The following ATXN8OS variants were observed in gnomAD, a reference collection of about 807,000 sequenced individuals.
ATXN8OS encodes ATXN8 opposite strand lncRNA.
At chr13:70,118,287 C>T (rs1338489170) in intron 2 of ATXN8OS, among the ~76,000 whole-genome samples, 1 of 152,028 alleles carries the variant, frequency 6.6e-6, no homozygotes, top group African/African-American at 2.4e-5. Flanking sequence ...AATGACATTT[C>T]ACTAAGTAAA....
chr13:70,138,718 T>C (rs1888653859), intron 3 of ATXN8OS, among the ~76,000 whole-genome samples: 1 of 152,150 alleles, frequency 6.6e-6, no homozygotes, highest in Non-Finnish European at 1.5e-5. Flanking sequence ...TACCAATCTA[T>C]ACTTTCTATA....
At chr13:70,150,472 G>C (rs1418692939) in intron 4 of ATXN8OS, among the ~76,000 whole-genome samples, 1 of 152,068 alleles carries the variant, frequency 6.6e-6, no homozygotes, top group Non-Finnish European at 1.5e-5. Context: ...TGTTAGACCA[G>C]AAAGAGATTA....
intron 3 of ATXN8OS, among the ~76,000 whole-genome samples, chr13:70,143,911 G>A (rs1191334693): frequency 6.6e-6 from 1 of 151,990 alleles, no homozygotes; most frequent in Non-Finnish European, 1.5e-5. Flanking sequence ...ATATTGAGAA[G>A]ATTAAAATAA....
chr13:70,109,605 A>C (rs1200822155), intron 1 of ATXN8OS, among the ~76,000 whole-genome samples: 2 of 152,202 alleles, frequency 1.3e-5, no homozygotes, highest in African/African-American at 2.4e-5. Flanking sequence ...AAATCACTAT[A>C]GTGCTTTTAA....
At chr13:70,117,722 AAT>A (rs1361785405) in intron 2 of ATXN8OS, among the ~76,000 whole-genome samples, 2 of 152,066 alleles carry the variant, frequency 1.3e-5, no homozygotes, top group Non-Finnish European at 2.9e-5. Flanking sequence ...TTATCTGCAA[AAT>A]AGAAGTTAAC....
chr13:70,169,369 T>C (rs1372508173), intron 4 of ATXN8OS, among the ~76,000 whole-genome samples: 1 of 152,084 alleles, frequency 6.6e-6, no homozygotes, highest in East Asian at 1.9e-4. Flanking sequence ...CGATCTTGGC[T>C]CACTGCAACC....
At chr13:70,143,475 G>A (rs1490698643) in intron 3 of ATXN8OS, among the ~76,000 whole-genome samples, 1 of 152,020 alleles carries the variant, frequency 6.6e-6, no homozygotes, top group Non-Finnish European at 1.5e-5. Context: ...CTGTGCTCAC[G>A]TCAAATGAAA....
intron 4 of ATXN8OS, among the ~76,000 whole-genome samples, chr13:70,159,043 C>A (rs1326121273): frequency 6.6e-6 from 1 of 151,746 alleles, no homozygotes; most frequent in African/African-American, 2.4e-5. Context: ...TATGCTTTAT[C>A]CTGGATAATG....
intron 3 of ATXN8OS, among the ~76,000 whole-genome samples, chr13:70,140,948 A>G (rs1888706033): frequency 6.6e-6 from 1 of 152,148 alleles, no homozygotes; most frequent in Non-Finnish European, 1.5e-5. Context: ...CCACTCCTGT[A>G]TGTGTTGGGA....
At chr13:70,137,921 C>A (rs1015483343) in intron 3 of ATXN8OS, among the ~76,000 whole-genome samples, 4 of 152,126 alleles carry the variant, frequency 2.6e-5, no homozygotes, top group African/African-American at 9.7e-5. Flanking sequence ...ACAAACAAGA[C>A]AGAAAGTGAA....
At chr13:70,123,144 A>C (rs1483782365) in intron 2 of ATXN8OS, among the ~76,000 whole-genome samples, 1 of 152,114 alleles carries the variant, frequency 6.6e-6, no homozygotes, top group Non-Finnish European at 1.5e-5. Flanking sequence ...GTAATAAGTA[A>C]ATTGCAAAAC....
intron 4 of ATXN8OS, among the ~76,000 whole-genome samples, chr13:70,155,043 C>T (rs1230519696): frequency 6.6e-6 from 1 of 152,174 alleles, no homozygotes; most frequent in Non-Finnish European, 1.5e-5. Context: ...AAGTCAAGTA[C>T]TGTCTTTGTT....
At chr13:70,165,650 A>G (rs1424935819) in intron 4 of ATXN8OS, among the ~76,000 whole-genome samples, 3 of 152,034 alleles carry the variant, frequency 2.0e-5, no homozygotes, top group South Asian at 2.1e-4. Context: ...AAAAATAGAA[A>G]TATCAGGCTA....
chr13:70,111,271 T>C (rs529551148), intron 1 of ATXN8OS, among the ~76,000 whole-genome samples: 1 of 152,330 alleles, frequency 6.6e-6, no homozygotes, highest in East Asian at 1.9e-4. Flanking sequence ...TTTTAGTCCA[T>C]TATCTGTTAC....
intron 4 of ATXN8OS, among the ~76,000 whole-genome samples, chr13:70,162,217 C>A (rs1313770803): frequency 1.3e-5 from 2 of 151,994 alleles, no homozygotes; most frequent in Non-Finnish European, 2.9e-5. Context: ...CAGGAATCAG[C>A]TGGCACAATG....
chr13:70,143,129 C>T (rs1189796545), intron 3 of ATXN8OS, among the ~76,000 whole-genome samples: 1 of 151,586 alleles, frequency 6.6e-6, no homozygotes, highest in African/African-American at 2.4e-5. Flanking sequence ...CATGTTACTA[C>T]ATTTAATCTC....
At chr13:70,121,587 A>C (rs1888360781) in intron 2 of ATXN8OS, among the ~76,000 whole-genome samples, 1 of 152,150 alleles carries the variant, frequency 6.6e-6, no homozygotes, top group Non-Finnish European at 1.5e-5. Context: ...AAGGTTCAGA[A>C]ATAAGAAGCT....
intron 3 of ATXN8OS, among the ~76,000 whole-genome samples, chr13:70,134,701 T>C (rs968365639): frequency 1.3e-5 from 2 of 152,192 alleles, no homozygotes; most frequent in African/African-American, 4.8e-5. Flanking sequence ...CAGAGCTAGA[T>C]TAGCTACAGT....
chr13:70,157,465 C>T (rs1011731249), intron 4 of ATXN8OS, among the ~76,000 whole-genome samples: 1 of 151,150 alleles, frequency 6.6e-6, no homozygotes, highest in African/African-American at 2.4e-5. Context: ...CTAGATTATC[C>T]TAAGGAAAGA....
Sources: allele counts gnomAD v4.1 joint callset (sites outside exome capture counted in the v4.1 genomes callset), GRCh38; gene constraint gnomAD v4.1.1; transcripts MANE v1.5; gene names NCBI Gene and HGNC (gene_info 2026-07-23, HGNC 2026-07-21).